The following TSPAN8 variants were observed in gnomAD, a reference collection of about 807,000 sequenced individuals.
TSPAN8 encodes tetraspanin 8, also known as tetraspanin-8.
In TSPAN8, 21 loss-of-function variants were observed where a neutral mutation model predicts 32.8. That is an observed-to-expected ratio of 0.64 (90% CI 0.45 to 0.92). The LOEUF is 0.92. Ranked by LOEUF, TSPAN8 falls within the 40% of genes least tolerant of loss-of-function variation. The probability of loss-of-function intolerance (pLI) is 0.00; values close to 1 mark genes in which losing one functional copy is unlikely to be tolerated. For synonymous variants in TSPAN8, 95 were observed against 94.6 expected, an observed-to-expected ratio of 1.00 and a Z score of -0.03; for missense variants, 269 against 281.9, an observed-to-expected ratio of 0.95 and a Z score of 0.33.
chr12:71,134,245 T>C (rs548628524), intron 6 of TSPAN8, among the ~76,000 whole-genome samples: 12 of 152,350 alleles, frequency 7.9e-5, no homozygotes, highest in African/African-American at 2.2e-4. Flanking sequence ...TTTATTGTTT[T>C]TGTTTTCATT....
intron 6 of TSPAN8, among the ~76,000 whole-genome samples, chr12:71,137,369 C>T (rs1405952307): frequency 6.6e-6 from 1 of 152,078 alleles, no homozygotes; most frequent in Non-Finnish European, 1.5e-5. Context: ...GAGGCTAAGG[C>T]GGGTGGATCA....
Position 71,132,685 on chromosome 12 carries a change from G to C in TSPAN8, c.576+8C>G. ...TGCTTATTGTACCAAATGTGATTTAGTTCTCACCTCTTTGTAAACTTGTTT... is the reference window on the plus strand; with the variant it reads ...TGCTTATTGTACCAAATGTGATTTACTTCTCACCTCTTTGTAAACTTGTTT... On this transcript the variant is annotated splice_region_variant and intron_variant, in intron 7 of 8. Transcript: ENST00000247829. 1.2e-6 allele frequency: 2 copies of C among 1,613,144 alleles called. No individual in the cohort carries two copies. Among genetic ancestry groups the C allele is most frequent in the Non-Finnish European group, 1.7e-6 (2 of 1,179,700 alleles).
chr12:71,145,127 T>G lies in TSPAN8; in HGVS notation c.61-914A>C, dbSNP rs550974818. 1.6e-4 allele frequency among the ~76,000 whole-genome samples: 24 copies of G among 152,218 alleles called. No individual in the cohort carries two copies. In the South Asian group the frequency reaches 5.0e-3, roughly 32 times the overall value. The stretch of plus-strand genomic sequence containing the variant: ...CTGACAGACAAATGTCCTTGGAGCA[T>G]CATTGCTTTCGTGCATGGTTGAGAC... On this transcript the variant is annotated intron_variant, in intron 2 of 8. Transcript: ENST00000247829.
At chr12:71,149,325 G>A (rs934563784) in intron 2 of TSPAN8, among the ~76,000 whole-genome samples, 4 of 149,236 alleles carry the variant, frequency 2.7e-5, no homozygotes, top group Non-Finnish European at 4.4e-5. Context: ...CTAAGATCAC[G>A]CCATTGCACT....
At chr12:71,140,148 G>A (rs1871856229) in intron 3 of TSPAN8, among the ~76,000 whole-genome samples, 1 of 152,058 alleles carries the variant, frequency 6.6e-6, no homozygotes, top group Non-Finnish European at 1.5e-5. Context: ...TGTAATCTTT[G>A]GTTCACATAT....
At chr12:71,135,423 CAAG>C (rs928854801) in intron 6 of TSPAN8, among the ~76,000 whole-genome samples, 40 of 130,616 alleles carry the variant, frequency 3.1e-4, no homozygotes, top group Admixed American at 1.2e-3. Context: ...AGGAGGAAAA[CAAG>C]AGGAGGAGGA....
At chr12:71,127,991 T>A (rs1871397196) in intron 8 of TSPAN8, among the ~76,000 whole-genome samples, 1 of 152,232 alleles carries the variant, frequency 6.6e-6, no homozygotes, top group African/African-American at 2.4e-5. Context: ...CTTACTCATC[T>A]TCATGGCCAT....
intron 2 of TSPAN8, among the ~76,000 whole-genome samples, chr12:71,150,284 C>A (rs1565789292): frequency 6.6e-6 from 1 of 152,162 alleles, no homozygotes; most frequent in South Asian, 2.1e-4. Context: ...GCCTTATGAT[C>A]TTTGCTTTTG....
At chr12:71,145,933 G>C (rs1872062901) in intron 2 of TSPAN8, among the ~76,000 whole-genome samples, 2 of 152,112 alleles carry the variant, frequency 1.3e-5, no homozygotes, top group Admixed American at 1.3e-4. Flanking sequence ...AGAATTCTTA[G>C]TAAGAGCTTA....
chr12:71,154,034 C>T (rs1592412107), intron 2 of TSPAN8, among the ~76,000 whole-genome samples: 1 of 152,024 alleles, frequency 6.6e-6, no homozygotes, highest in Admixed American at 6.6e-5. Context: ...TCTGGCCAGG[C>T]GCGGTGCCTC....
chr12:71,129,873 G>C (rs1871464581), intron 7 of TSPAN8, among the ~76,000 whole-genome samples: 1 of 151,188 alleles, frequency 6.6e-6, no homozygotes. Context: ...AAACAGAAAG[G>C]TTTCTGGTTG....
intron 3 of TSPAN8, among the ~76,000 whole-genome samples, chr12:71,142,007 A>G (rs1871917444): frequency 1.3e-5 from 2 of 152,308 alleles, no homozygotes; most frequent in South Asian, 4.1e-4. Context: ...ACTTCAGCAG[A>G]AAGTTCTGTC....
chr12:71,127,434 A>T (rs1871382290), intron 8 of TSPAN8, among the ~76,000 whole-genome samples: 1 of 152,166 alleles, frequency 6.6e-6, no homozygotes, highest in Non-Finnish European at 1.5e-5. Flanking sequence ...CAATTTTAAA[A>T]AGTTCAAACA....
chr12:71,131,014 CTAAT>C (rs1475867829), intron 7 of TSPAN8, among the ~76,000 whole-genome samples: 3 of 152,120 alleles, frequency 2.0e-5, no homozygotes, highest in Non-Finnish European at 4.4e-5. Flanking sequence ...CAGAAACTAT[CTAAT>C]AGTTTTTTTA....
chr12:71,155,960 T>G (rs1008048095), intron 2 of TSPAN8, among the ~76,000 whole-genome samples: 15 of 152,072 alleles, frequency 9.9e-5, no homozygotes, highest in Non-Finnish European at 1.8e-4. Flanking sequence ...CTCAAACTCC[T>G]GACCTTGTGA....
At chr12:71,141,069 A>AAAAC (rs1176555691) in intron 3 of TSPAN8, among the ~76,000 whole-genome samples, 1 of 152,232 alleles carries the variant, frequency 6.6e-6, no homozygotes, top group East Asian at 1.9e-4. Flanking sequence ...TAAAAGCATT[A>AAAAC]AAACAAACAT....
chr12:71,128,667 A>G (rs578174321), intron 8 of TSPAN8, among the ~76,000 whole-genome samples: 26 of 149,664 alleles, frequency 1.7e-4, no homozygotes, highest in Non-Finnish European at 3.5e-4. Context: ...AAAAAAAAAC[A>G]TGCCAAGAAA....
intron 3 of TSPAN8, among the ~76,000 whole-genome samples, chr12:71,143,719 T>A (rs938726812): frequency 3.9e-5 from 6 of 152,216 alleles, no homozygotes; most frequent in African/African-American, 7.2e-5. Flanking sequence ...ACTTCTCATT[T>A]TCTTTCCTTT....
At chr12:71,138,877 A>G (rs1332332068) in intron 4 of TSPAN8, among the ~76,000 whole-genome samples, 1 of 152,190 alleles carries the variant, frequency 6.6e-6, no homozygotes, top group Non-Finnish European at 1.5e-5. Flanking sequence ...TTTCTCAGGT[A>G]CTGATATAAT....
Sources: allele counts gnomAD v4.1 joint callset (sites outside exome capture counted in the v4.1 genomes callset), GRCh38; gene constraint gnomAD v4.1.1; transcripts MANE v1.5; gene names NCBI Gene and HGNC (gene_info 2026-07-23, HGNC 2026-07-21).